The following TACC1 variants were observed in gnomAD, a reference collection of about 807,000 sequenced individuals.
TACC1 encodes the protein transforming acidic coiled-coil containing protein 1.
TACC1 carries 48 observed loss-of-function variants against 84.4 expected under a neutral mutation model. The ratio of observed to expected loss-of-function variants is 0.57; its 90% confidence interval spans 0.45 to 0.72. The LOEUF is 0.72. Ranked by LOEUF, TACC1 falls within the 30% of genes least tolerant of loss-of-function variation. TACC1 has a pLI of 0.00. For missense variants in TACC1, 920 were observed against 973.0 expected, an observed-to-expected ratio of 0.95 and a Z score of 0.72; for synonymous variants, 372 against 376.3, an observed-to-expected ratio of 0.99 and a Z score of 0.13.
rs185418096 is a variant in TACC1 at position 38,804,602 on chromosome 8, G to T, written c.278-14920G>T. On this transcript the variant is annotated intron_variant, in intron 2 of 12. Transcript: ENST00000317827. Reference sequence around the variant, plus strand: ...AGGCGTGAGCCACTGTGCCCGGCCTGTTGCAATTTTTTATTTTTCAGATGG... The same window carrying T: ...AGGCGTGAGCCACTGTGCCCGGCCTTTTGCAATTTTTTATTTTTCAGATGG... Among the ~76,000 whole-genome samples the T allele has an allele frequency of 1.7e-3, 256 of 152,158 alleles. 1 individual carries two copies. Among genetic ancestry groups the T allele is most frequent in the Non-Finnish European group, 2.9e-3 (194 of 67,998 alleles).
chr8:38,757,461 C>T (rs1320238369), intron 3 of TACC1: 2 of 1,106,272 alleles, frequency 1.8e-6, no homozygotes, highest in Non-Finnish European at 2.2e-6. Context: ...TGCGTGCCAG[C>T]CCGGGATGGA....
In TACC1 at chr8:38,769,863, CTA is replaced by C. The variant is rs201226842; in HGVS notation, c.27-18839_27-18838del. On this transcript the variant is annotated intron_variant, in intron 3 of 14. Transcript: ENST00000518415. ...TGGGTTAGGGGTGTGGTGTGTGTGA[CTA>C]TGTGGTGTGTGTGTGAGACTGGGTA... Among the ~76,000 whole-genome samples the C allele has an allele frequency of 7.9e-3, 900 of 113,726 alleles. 9 individuals are homozygous for C. The highest frequency in any genetic ancestry group is 0.029 in the African/African-American group (839 of 29,118). The allele number at this position is 113,726 out of a possible 152,430, so 74.6% of individuals were successfully genotyped here.
At chr8:38,754,082 T>C (rs1295323379) in intron 3 of TACC1, among the ~76,000 whole-genome samples, 1 of 151,778 alleles carries the variant, frequency 6.6e-6, no homozygotes, top group Non-Finnish European at 1.5e-5. Flanking sequence ...GCTTCCCAAG[T>C]AGCTGGAATT....
Position 38,839,469 on chromosome 8 carries a change from T to A in TACC1, c.1917-755T>A, listed in dbSNP as rs566130560. The A allele has an allele frequency of 1.2e-3, 428 of 365,122 alleles. 2 individuals carry two copies. Among genetic ancestry groups the A allele is most frequent in the Non-Finnish European group, 1.7e-3 (338 of 203,224 alleles). 22.6% of individuals were successfully genotyped at this position (365,122 alleles called of 1,614,324 possible). On this transcript the variant is annotated intron_variant, in intron 8 of 12. Transcript: ENST00000317827. ...AGTATATCCCTCTAATTTGTTGCTC[T>A]TTTATTATTTGTCTTTTAAGCATTT...
chr8:38,777,369 C>G (rs1257134269), intron 3 of TACC1, among the ~76,000 whole-genome samples: 1 of 152,178 alleles, frequency 6.6e-6, no homozygotes, highest in Non-Finnish European at 1.5e-5. Flanking sequence ...GGTGCGGGTT[C>G]TGTCTGTTCT....
At position 38,787,558 on chromosome 8, in the gene TACC1, A is replaced by G; in HGVS notation, c.-25A>G. On this transcript the variant is annotated 5_prime_UTR_variant, in exon 1 of 13. Transcript: ENST00000317827. The stretch of plus-strand genomic sequence containing the variant: ...CCCCACCCATTCCCCTGCCCCTAGG[A>G]GCTGGAGCCGGAGGAGCCGCGCTCA... 1 of 1,530,610 alleles carries G rather than the reference A, an allele frequency of 6.5e-7. No homozygotes were observed. Among genetic ancestry groups the G allele is most frequent in the Admixed American group, 2.1e-5 (1 of 47,116 alleles). 94.8% of individuals were successfully genotyped at this position (1,530,610 alleles called of 1,614,324 possible).
At chr8:38,841,980 A>G (rs1036494804) in intron 9 of TACC1, among the ~76,000 whole-genome samples, 1 of 152,044 alleles carries the variant, frequency 6.6e-6, no homozygotes, top group South Asian at 2.1e-4. Flanking sequence ...TCTCTATGGA[A>G]TATTCTCCCA....
intron 3 of TACC1, among the ~76,000 whole-genome samples, chr8:38,780,621 GT>G (rs1379496730): frequency 7.3e-6 from 1 of 136,228 alleles, no homozygotes; most frequent in African/African-American, 2.7e-5. Context: ...TGTTGGTGTT[GT>G]TTTTTTTTGT....
chr8:38,790,892 G>A (rs181615964), intron 2 of TACC1, among the ~76,000 whole-genome samples: 1 of 152,322 alleles, frequency 6.6e-6, no homozygotes, highest in Admixed American at 6.5e-5. Context: ...GAGAATTTGT[G>A]TGCGACGCAT....
chr8:38,820,945 C>T (rs1024975328), intron 3 of TACC1, among the ~76,000 whole-genome samples: 3 of 152,010 alleles, frequency 2.0e-5, no homozygotes, highest in African/African-American at 7.3e-5. Flanking sequence ...GTGGCTCACA[C>T]CTGTAATCCC....
intron 11 of TACC1, among the ~76,000 whole-genome samples, chr8:38,845,731 T>C (rs1474022657): frequency 6.6e-6 from 1 of 152,236 alleles, no homozygotes; most frequent in Non-Finnish European, 1.5e-5. Context: ...CATTGCTGCG[T>C]TGGAGGGCAT....
chr8:38,760,312 G>A (rs1239703605), intron 3 of TACC1, among the ~76,000 whole-genome samples: 3 of 152,178 alleles, frequency 2.0e-5, no homozygotes, highest in African/African-American at 7.2e-5. Context: ...AGAAGCCAAT[G>A]AGCCAGCTTT....
intron 4 of TACC1, 86 bp downstream of exon 4, chr8:38,825,454 G>A: frequency 2.0e-6 from 3 of 1,473,118 alleles, no homozygotes; most frequent in Non-Finnish European, 2.8e-6. Flanking sequence ...TGGTTCAAAA[G>A]GACTTTCCAA....
Position 38,819,743 on chromosome 8 carries a change from G to A in TACC1, c.499G>A (p.Gly167Arg), listed in dbSNP as rs141796337. ...TTCCACGGATATCTCGGCAGTCCTC[G>A]GAACAAAAGCAGCTCATGGCTGTGT... ...KDSTDISAVL[G>R]TKAAHGCVTA... Residue 167 changes from glycine (G) to arginine (R), a missense_variant, in exon 3 of 13, where the codon GGA becomes AGA. Gly to Arg is a moderately radical substitution (Grantham distance 125). Coordinates refer to ENST00000317827, the MANE Select transcript of TACC1 (RefSeq NM_006283.3). 150 of 1,613,942 alleles carry A rather than the reference G, an allele frequency of 9.3e-5. No homozygotes were observed. Among genetic ancestry groups the A allele is most frequent in the African/African-American group, 2.9e-4 (22 of 74,918 alleles).
chr8:38,841,623 G>A (rs1024077933), intron 9 of TACC1, among the ~76,000 whole-genome samples: 1 of 152,090 alleles, frequency 6.6e-6, no homozygotes, highest in African/African-American at 2.4e-5. Context: ...AATAATGAGG[G>A]TCAACTGTAG....
intron 2 of TACC1, among the ~76,000 whole-genome samples, chr8:38,743,689 A>C (rs959991379): frequency 6.6e-6 from 1 of 152,212 alleles, no homozygotes; most frequent in African/African-American, 2.4e-5. Flanking sequence ...TCAAAATAAT[A>C]GTGACTAAAT....
At chr8:38,760,367 G>T (rs767885654) in intron 3 of TACC1, among the ~76,000 whole-genome samples, 2 of 152,196 alleles carry the variant, frequency 1.3e-5, no homozygotes, top group African/African-American at 4.8e-5. Context: ...CAAGGAGGCC[G>T]TACAGGAAGG....
chr8:38,735,920 T>C (rs28429174), intron 1 of TACC1, among the ~76,000 whole-genome samples: 1 of 152,202 alleles, frequency 6.6e-6, no homozygotes. Flanking sequence ...CTGCTCTAAC[T>C]AATGACCACG....
chr8:38,845,568 C>A (rs1832067749), intron 11 of TACC1, among the ~76,000 whole-genome samples: 2 of 152,128 alleles, frequency 1.3e-5, no homozygotes. Context: ...GAATCTAATT[C>A]TTTTTATTAG....
Sources: allele counts gnomAD v4.1 joint callset (sites outside exome capture counted in the v4.1 genomes callset), GRCh38; gene constraint gnomAD v4.1.1; transcripts MANE v1.5; gene names NCBI Gene and HGNC (gene_info 2026-07-23, HGNC 2026-07-21).